The following SORCS2 variants were observed in gnomAD, a reference collection of about 807,000 sequenced individuals.
SORCS2 encodes the protein VPS10 domain-containing receptor SorCS2.
In SORCS2, 100 loss-of-function variants were observed where a neutral mutation model predicts 141.6. The observed-to-expected ratio is 0.71, with a 90% confidence interval of 0.60 to 0.83. The LOEUF (loss-of-function observed/expected upper bound fraction) is 0.83. Among genes scored for constraint, SORCS2 ranks in the 40% least tolerant of loss-of-function variants. The probability of loss-of-function intolerance (pLI) is 0.00; values close to 1 mark genes in which losing one functional copy is unlikely to be tolerated. For missense variants in SORCS2, 1,646 were observed against 1,560.2 expected (o/e 1.05, Z -0.93); for synonymous variants, 789 against 676.9 (o/e 1.17, Z -2.57).
chr4:7,705,654 C>T (rs1725382806), intron 14 of SORCS2, among the ~76,000 whole-genome samples: 1 of 152,126 alleles, frequency 6.6e-6, no homozygotes, highest in Admixed American at 6.5e-5. Context: ...GATCTATGGA[C>T]TGGGACTACA....
chr4:7,399,848 G>T (rs1011557253), intron 2 of SORCS2, among the ~76,000 whole-genome samples: 2 of 152,150 alleles, frequency 1.3e-5, no homozygotes, highest in Admixed American at 6.5e-5. Flanking sequence ...GTTCAAGGTA[G>T]GTCCTCCCAG....
intron 1 of SORCS2, among the ~76,000 whole-genome samples, chr4:7,378,312 C>G (rs3864216): frequency 6.6e-6 from 1 of 151,938 alleles, no homozygotes; most frequent in Admixed American, 6.5e-5. Flanking sequence ...CTTTTTGGGG[C>G]TCTGTATTAG....
chr4:7,454,717 A>T, intron 2 of SORCS2, among the ~76,000 whole-genome samples: 1 of 95,044 alleles, frequency 1.1e-5, no homozygotes, highest in Non-Finnish European at 2.0e-5. Context: ...TGTTGGGGTC[A>T]GGAGCTGTGT....
At chr4:7,445,550 A>C (rs1452777257) in intron 2 of SORCS2, among the ~76,000 whole-genome samples, 1 of 152,138 alleles carries the variant, frequency 6.6e-6, no homozygotes, top group Non-Finnish European at 1.5e-5. Flanking sequence ...GAGGGGAAGC[A>C]CCAGGGCTGG....
At position 7,740,441 on chromosome 4, in the gene SORCS2, G is replaced by A. The variant is rs1286609818; in HGVS notation, c.*177G>A. The A allele has an allele frequency of 3.2e-6, 2 of 616,738 alleles. No homozygotes were observed. The highest frequency in any genetic ancestry group is 1.9e-5 in the South Asian group (1 of 52,250). 38.2% of individuals were successfully genotyped at this position (616,738 alleles called of 1,614,324 possible). On this transcript the variant is annotated 3_prime_UTR_variant, in exon 27 of 27. Coordinates refer to ENST00000507866, the MANE Select transcript of SORCS2 (RefSeq NM_020777.3). ...CCAAGCCCGCCCAGGCCCACGGGGG[G>A]CCCACGGGACCCCCCGGGACTCCCC... is the stretch of plus-strand genomic sequence containing the variant.
rs1239799313 is a variant in SORCS2, at chr4:7,637,473, G to T, written c.649-855G>T. ...AGACAGGGTCTTTGAGCGCTCACCT[G>T]TCTTGGCTCTCTGGAATGGATTCAC... On this transcript the variant is annotated intron_variant, in intron 3 of 26. Coordinates refer to ENST00000507866, the MANE Select transcript of SORCS2 (RefSeq NM_020777.3). Among the ~76,000 whole-genome samples, 4 of 152,242 alleles carry T rather than the reference G, an allele frequency of 2.6e-5. No individual in the cohort carries two copies. In the East Asian group the frequency reaches 7.7e-4, roughly 29 times the overall value.
intron 2 of SORCS2, among the ~76,000 whole-genome samples, chr4:7,489,037 C>T (rs4096): frequency 0.39 from 59,321 of 152,106 alleles, 12,171 homozygotes; most frequent in Middle Eastern, 0.45. Flanking sequence ...ATATGGTCAG[C>T]AGCATGCTAA....
At chr4:7,390,081 C>G (rs1263123687) in intron 1 of SORCS2, among the ~76,000 whole-genome samples, 1 of 152,178 alleles carries the variant, frequency 6.6e-6, no homozygotes, top group Non-Finnish European at 1.5e-5. Flanking sequence ...AGGCCCACGG[C>G]TGTGCAGCTT....
chr4:7,664,431 A>T lies in SORCS2; in HGVS notation c.1031A>T (p.His344Leu), dbSNP rs751505948. The change falls in exon 7 of 27, where the codon CAC (histidine) becomes CTC (leucine). Residue 344 changes from histidine to leucine, a missense_variant. Physicochemically the swap from His to Leu is moderately conservative, Grantham distance 99. Coordinates refer to ENST00000507866, the MANE Select transcript of SORCS2 (RefSeq NM_020777.3). This position sits in a 1 kb window ranked among gnomAD's most constrained non-coding sequence, Gnocchi z 4.7. ...LTAPFAGPID[H>L]GSLTVQDDYI... is the part of the protein sequence containing the mutation. ...GCCCCATTCGCAGGCCCCATTGACCACGGGTCTCTGACCGTGCAGGACGAT... is the reference window on the plus strand; with the variant it reads ...GCCCCATTCGCAGGCCCCATTGACCTCGGGTCTCTGACCGTGCAGGACGAT... 6.2e-7 allele frequency: 1 copy of T among 1,613,842 alleles called. No individual in the cohort carries two copies. The highest frequency in any genetic ancestry group is 8.5e-7 in the Non-Finnish European group (1 of 1,179,836).
At chr4:7,326,430 C>T (rs1011917832) in intron 1 of SORCS2, among the ~76,000 whole-genome samples, 2 of 151,610 alleles carry the variant, frequency 1.3e-5, no homozygotes, top group Non-Finnish European at 2.9e-5. Context: ...GGCCTGGTGC[C>T]CACAGCCCTG....
At chr4:7,519,572 T>C (rs10017131) in intron 2 of SORCS2, among the ~76,000 whole-genome samples, 10,044 of 152,256 alleles carry the variant, frequency 0.066, 683 homozygotes, top group African/African-American at 0.17. Context: ...TGAAGCTGTG[T>C]CTGCCATTTT....
At chr4:7,245,584 G>A (rs1346819669) in intron 1 of SORCS2, among the ~76,000 whole-genome samples, 7 of 152,326 alleles carry the variant, frequency 4.6e-5, no homozygotes, top group Admixed American at 1.3e-4. Flanking sequence ...CAATGTTAGT[G>A]CCTCCCAGTG....
chr4:7,245,864 C>G (rs140887854), intron 1 of SORCS2, among the ~76,000 whole-genome samples: 1 of 152,278 alleles, frequency 6.6e-6, no homozygotes, highest in African/African-American at 2.4e-5. Context: ...GATGAGGAAA[C>G]TGACTTTCAG....
chr4:7,556,567 G>A (rs73214654), intron 3 of SORCS2, among the ~76,000 whole-genome samples: 2 of 151,936 alleles, frequency 1.3e-5, no homozygotes, highest in East Asian at 3.9e-4. Context: ...TCTGCACAAA[G>A]TTCACTTTTC....
At chr4:7,733,862 G>T (rs1711914313) in intron 24 of SORCS2, among the ~76,000 whole-genome samples, 2 of 152,166 alleles carry the variant, frequency 1.3e-5, no homozygotes, top group Admixed American at 1.3e-4. Flanking sequence ...TGGGAGCCAG[G>T]TCAAGGGGCG....
chr4:7,631,586 G>T (rs10937846), intron 3 of SORCS2, among the ~76,000 whole-genome samples: 39,432 of 152,044 alleles, frequency 0.26, 6,414 homozygotes, highest in East Asian at 0.74. Context: ...GCTCGGGGCT[G>T]CCCTGACTAG....
intron 3 of SORCS2, among the ~76,000 whole-genome samples, chr4:7,624,070 T>G (rs1719373490): frequency 6.6e-6 from 1 of 152,122 alleles, no homozygotes; most frequent in Admixed American, 6.6e-5. Flanking sequence ...AAGAAAGCAT[T>G]TGGTCCAGTG....
At chr4:7,239,020 G>T (rs1187190186) in intron 1 of SORCS2, among the ~76,000 whole-genome samples, 1 of 152,244 alleles carries the variant, frequency 6.6e-6, no homozygotes, top group Non-Finnish European at 1.5e-5. Context: ...TCCCTGTGGA[G>T]TTCAGCAGGG....
intron 1 of SORCS2, among the ~76,000 whole-genome samples, chr4:7,223,470 T>G (rs1728830118): frequency 6.6e-6 from 1 of 152,204 alleles, no homozygotes; most frequent in Admixed American, 6.5e-5. Flanking sequence ...ATGCTAATTT[T>G]TACATTATAA....
Sources: gnomAD v4.1 joint callset for allele counts (sites outside exome capture counted in the v4.1 genomes callset) on GRCh38, gnomAD v4.1.1 for gene constraint, Gnocchi (gnomAD v3.1) non-coding constraint, MANE v1.5 for transcripts, NCBI Gene and HGNC (gene_info 2026-07-23, HGNC 2026-07-21) for gene names.